CALHM4: variants seen among roughly 807,000 people sequenced by gnomAD.
CALHM4 encodes calcium homeostasis modulator family member 4.
A neutral mutation model predicts 13.3 loss-of-function variants in CALHM4; 16 were observed. That is an observed-to-expected ratio of 1.20 (90% CI 0.81 to 1.82). The LOEUF is 1.82. CALHM4 is among the 40% of genes most tolerant of loss of function. The probability of loss-of-function intolerance (pLI) is 0.00; values close to 1 mark genes in which losing one functional copy is unlikely to be tolerated. For synonymous variants in CALHM4, 127 were observed against 137.1 expected, an observed-to-expected ratio of 0.93 and a Z score of 0.52; for missense variants, 344 against 374.9, an observed-to-expected ratio of 0.92 and a Z score of 0.68.
Position 116,548,177 on chromosome 6 carries a change from G to T in CALHM4, c.-1+4305G>T, listed in dbSNP as rs1034374580. Reference sequence around the variant, plus strand: ...TGAATGAATTAGCACCTTATAAAAGGGCTGGAAGGAAATAGCTTAGACTTT... The same window carrying T: ...TGAATGAATTAGCACCTTATAAAAGTGCTGGAAGGAAATAGCTTAGACTTT... On this transcript the variant is annotated intron_variant, in intron 2 of 2. Transcript: ENST00000368597. Among the ~76,000 whole-genome samples, 4 of 152,242 alleles carry T rather than the reference G, an allele frequency of 2.6e-5. No homozygotes were observed. In the South Asian group the frequency reaches 8.3e-4, roughly 32 times the overall value.
At chr6:116,529,422 G>GTCTAAT (rs1163112783) in intron 1 of CALHM4, among the ~76,000 whole-genome samples, 8 of 152,204 alleles carry the variant, frequency 5.3e-5, no homozygotes, top group African/African-American at 1.9e-4. Context: ...TCTAATGGAA[G>GTCTAAT]GGAAATATGG....
At chr6:116,552,172 GC>G (rs1448061684), upstream of CALHM4, among the ~76,000 whole-genome samples, 1 of 152,060 alleles carries the variant, frequency 6.6e-6, no homozygotes, top group East Asian at 1.9e-4. Context: ...TGATAGTTTG[GC>G]TGGTACTAAG....
At chr6:116,539,268 G>C (rs763326759) in intron 1 of CALHM4, among the ~76,000 whole-genome samples, 39 of 151,866 alleles carry the variant, frequency 2.6e-4, no homozygotes, top group Non-Finnish European at 4.3e-4. Flanking sequence ...CTTATATTCT[G>C]ACAATATAAA....
At chr6:116,544,320 T>A (rs1773644027) in intron 2 of CALHM4, among the ~76,000 whole-genome samples, 1 of 152,078 alleles carries the variant, frequency 6.6e-6, no homozygotes, top group East Asian at 1.9e-4. Context: ...AATAGTGGAA[T>A]TTCTTCTCTG....
intron 1 of CALHM4, among the ~76,000 whole-genome samples, chr6:116,529,714 G>A (rs1220001470): frequency 6.6e-6 from 1 of 152,198 alleles, no homozygotes; most frequent in Non-Finnish European, 1.5e-5. Flanking sequence ...GCATGAATGA[G>A]TCACTTTTTG....
rs769402854 is a variant in CALHM4, at chr6:116,557,974, A to T, written c.708A>T (p.Ala236=). Residue 236 remains alanine, a synonymous_variant, in exon 2 of 2, where the codon GCA becomes GCT. Coordinates refer to ENST00000368596, the MANE Select transcript of CALHM4 (RefSeq NM_001366078.2). ...AGAGAGAACTCTTTGAACAAGCAGC[A>T]GAGCAGCACTCTCGGCTCCTCATGA... ...QNERELFEQA[A]EQHSRLLMMH... 2.5e-6 allele frequency: 4 copies of T among 1,614,188 alleles called. No homozygotes were observed. Among genetic ancestry groups the T allele is most frequent in the Non-Finnish European group, 3.4e-6 (4 of 1,180,032 alleles).
At chr6:116,552,168 T>A (rs148402296), upstream of CALHM4, among the ~76,000 whole-genome samples, 1,013 of 152,286 alleles carry the variant, frequency 6.7e-3, 4 homozygotes, top group African/African-American at 0.023. Context: ...TGAATGATAG[T>A]TTGGCTGGTA....
At chr6:116,533,946 C>T (rs1301842582) in intron 1 of CALHM4, among the ~76,000 whole-genome samples, 2 of 152,102 alleles carry the variant, frequency 1.3e-5, no homozygotes, top group Non-Finnish European at 2.9e-5. Context: ...TGTTCCCTGC[C>T]GGCAGTCTGA....
chr6:116,536,763 C>G lies in CALHM4; in HGVS notation c.-108-7002C>G, dbSNP rs548804487. Among the ~76,000 whole-genome samples, 4 of 152,248 alleles carry G rather than the reference C, an allele frequency of 2.6e-5. No individual in the cohort carries two copies. In the South Asian group the frequency reaches 6.2e-4, roughly 24 times the overall value. On this transcript the variant is annotated intron_variant, in intron 1 of 2. Coordinates refer to the CALHM4 transcript ENST00000368597. ...GAGGGGAGCCAAACAAATTTTACAG[C>G]CATTAGGTTCTATTCTTGACTCTGC...
upstream of CALHM4, among the ~76,000 whole-genome samples, chr6:116,549,818 A>T (rs963470301): frequency 2.0e-5 from 3 of 151,104 alleles, no homozygotes; most frequent in African/African-American, 7.3e-5. Flanking sequence ...TCTACTAAAA[A>T]TACAAAATTT....
chr6:116,550,556 A>C (rs1172547201), upstream of CALHM4, among the ~76,000 whole-genome samples: 2 of 152,042 alleles, frequency 1.3e-5, no homozygotes, highest in Non-Finnish European at 1.5e-5. Flanking sequence ...AGTATCAGTA[A>C]CTGTTAGCTG....
intron 2 of CALHM4, chr6:116,545,330 G>A: frequency 1.7e-6 from 1 of 579,524 alleles, no homozygotes; most frequent in Non-Finnish European, 3.0e-6. Flanking sequence ...ATTCCTAGAT[G>A]TGTCATTTAT....
chr6:116,557,750 C>T (rs898934687), intron 1 of CALHM4, 75 bp from the exon 2 acceptor site: 2 of 1,498,150 alleles, frequency 1.3e-6, no homozygotes, highest in South Asian at 1.3e-5. Flanking sequence ...TGTAGGAATC[C>T]CCCCTCCCAT....
chr6:116,540,259 A>G, intron 1 of CALHM4: 1 of 1,048,872 alleles, frequency 9.5e-7, no homozygotes, highest in Admixed American at 2.6e-5. Flanking sequence ...AGCACCTAAC[A>G]ATGAATGCAG....
At chr6:116,557,413 C>T (rs1774373646) in intron 1 of CALHM4, among the ~76,000 whole-genome samples, 1 of 152,132 alleles carries the variant, frequency 6.6e-6, no homozygotes, top group African/African-American at 2.4e-5. Flanking sequence ...ATTTTCATCA[C>T]CATCATTATC....
upstream of CALHM4, among the ~76,000 whole-genome samples, chr6:116,553,301 C>T (rs1230721140): frequency 6.6e-6 from 1 of 152,174 alleles, no homozygotes; most frequent in African/African-American, 2.4e-5. Flanking sequence ...CTAGCAGAAC[C>T]CTTAGGAACA....
At chr6:116,538,387 G>T (rs1213708885) in intron 1 of CALHM4, among the ~76,000 whole-genome samples, 6 of 152,210 alleles carry the variant, frequency 3.9e-5, no homozygotes, top group African/African-American at 1.4e-4. Flanking sequence ...CAGCAATGAG[G>T]TTGTATATGC....
At chr6:116,556,923 T>G (rs1011152101) in intron 1 of CALHM4, among the ~76,000 whole-genome samples, 24 of 150,084 alleles carry the variant, frequency 1.6e-4, no homozygotes, top group Admixed American at 1.6e-3. Context: ...GACTATGCTA[T>G]TCATTTATTT....
intron 1 of CALHM4, among the ~76,000 whole-genome samples, chr6:116,534,294 T>G (rs1772933698): frequency 6.6e-6 from 1 of 152,212 alleles, no homozygotes; most frequent in African/African-American, 2.4e-5. Context: ...GACATCCTTG[T>G]TGAAGTGTCA....
Sources: allele counts gnomAD v4.1 joint callset (sites outside exome capture counted in the v4.1 genomes callset), GRCh38; gene constraint gnomAD v4.1.1; transcripts MANE v1.5; gene names NCBI Gene and HGNC (gene_info 2026-07-23, HGNC 2026-07-21).